ITFG1: variants seen among roughly 807,000 people sequenced by gnomAD.
The protein encoded by ITFG1 is integrin alpha FG-GAP repeat containing 1.
A neutral mutation model predicts 81.8 loss-of-function variants in ITFG1; 34 were observed. The observed-to-expected ratio is 0.42, with a 90% CI of 0.32 to 0.55. The LOEUF (loss-of-function observed/expected upper bound fraction) is 0.55, where lower values mean the gene tolerates loss of function less well. ITFG1 is among the 20% of genes least tolerant of loss of function. The probability of loss-of-function intolerance (pLI) is 0.17; values close to 1 mark genes in which losing one functional copy is unlikely to be tolerated. For missense variants in ITFG1, 672 were observed against 755.4 expected, an observed-to-expected ratio of 0.89 and a Z score of 1.29; for synonymous variants, 285 against 270.6, an observed-to-expected ratio of 1.05 and a Z score of -0.52.
Position 47,234,143 on chromosome 16 carries a change from G to A in ITFG1, c.1374+3822C>T, listed in dbSNP as rs1016248871. Among the ~76,000 whole-genome samples, 7 of 152,234 alleles carry A rather than the reference G, an allele frequency of 4.6e-5. No individual in the cohort carries two copies. In the East Asian group the frequency reaches 5.8e-4, roughly 13 times the overall value. ...AAAGACAAAACAAAACAAAATGTCCGAAGAGACAAAGGAAGTATCAAAACA... is the reference window on the plus strand; with the variant it reads ...AAAGACAAAACAAAACAAAATGTCCAAAGAGACAAAGGAAGTATCAAAACA... On this transcript the variant is annotated intron_variant, in intron 13 of 17. Coordinates refer to ENST00000320640, the MANE Select transcript of ITFG1 (RefSeq NM_030790.5).
chr16:47,428,072 TGCAGTGA>T (rs1969046115), intron 6 of ITFG1, among the ~76,000 whole-genome samples: 1 of 152,314 alleles, frequency 6.6e-6, no homozygotes, highest in African/African-American at 2.4e-5. Context: ...AGGCAGAGGT[TGCAGTGA>T]GCTGTGATCG....
chr16:47,209,375 A>T (rs537134670), intron 14 of ITFG1, among the ~76,000 whole-genome samples: 10 of 152,294 alleles, frequency 6.6e-5, no homozygotes, highest in Non-Finnish European at 1.0e-4. Context: ...AGCATAACAT[A>T]CTGTTACTCT....
chr16:47,391,294 C>T (rs78549079), intron 6 of ITFG1, among the ~76,000 whole-genome samples: 2 of 152,264 alleles, frequency 1.3e-5, no homozygotes, highest in East Asian at 3.9e-4. Context: ...TTTTATAATC[C>T]TACAGTTGAA....
intron 6 of ITFG1, among the ~76,000 whole-genome samples, chr16:47,392,167 G>A (rs902667165): frequency 2.0e-5 from 3 of 152,178 alleles, no homozygotes; most frequent in Middle Eastern, 3.4e-3. Context: ...TAATCCCAGC[G>A]CTTTGGGAAG....
At chr16:47,265,884 A>T (rs757194445) in intron 10 of ITFG1, among the ~76,000 whole-genome samples, 12 of 152,220 alleles carry the variant, frequency 7.9e-5, no homozygotes, top group Non-Finnish European at 1.8e-4. Context: ...GGTAAGATGT[A>T]AAAGCAGTGA....
Position 47,344,461 on chromosome 16 carries a change from C to T in ITFG1, c.802+21327G>A, listed in dbSNP as rs144192188. 2.0e-5 allele frequency among the ~76,000 whole-genome samples: 3 copies of T among 152,228 alleles called. No individual in the cohort carries two copies. The East Asian group carries it at 5.8e-4, about 29-fold the overall frequency. On this transcript the variant is annotated intron_variant, in intron 8 of 17. Transcript: ENST00000320640. ...TTATTAAAACTCACTGAACTCTACA[C>T]TTAAAATGGAAGACTTTTATGATAT...
At chr16:47,303,992 G>A (rs547529840) in intron 10 of ITFG1, among the ~76,000 whole-genome samples, 6 of 151,910 alleles carry the variant, frequency 3.9e-5, no homozygotes, top group South Asian at 2.1e-4. Context: ...TAGTCTGATC[G>A]GACTAAGTCA....
intron 10 of ITFG1, among the ~76,000 whole-genome samples, chr16:47,306,757 C>T (rs1967165683): frequency 6.6e-6 from 1 of 151,678 alleles, no homozygotes; most frequent in African/African-American, 2.4e-5. Context: ...ATTCTTTGAA[C>T]CTCTACAATA....
At chr16:47,251,958 C>T (rs144436473) in intron 12 of ITFG1, among the ~76,000 whole-genome samples, 138 of 152,250 alleles carry the variant, frequency 9.1e-4, no homozygotes, top group African/African-American at 3.1e-3. Context: ...GTGGGGACTA[C>T]GCTATATGCA....
intron 8 of ITFG1, among the ~76,000 whole-genome samples, chr16:47,342,380 T>A (rs959651127): frequency 6.6e-6 from 1 of 152,096 alleles, no homozygotes; most frequent in African/African-American, 2.4e-5. Flanking sequence ...CATGAATTTA[T>A]AAAGAACCCA....
intron 14 of ITFG1, among the ~76,000 whole-genome samples, chr16:47,198,377 T>C (rs1326974958): frequency 1.3e-5 from 2 of 152,184 alleles, no homozygotes; most frequent in African/African-American, 2.4e-5. Flanking sequence ...CATGATGTCA[T>C]AGTGTAAGGC....
At chr16:47,459,196 A>C in intron 1 of ITFG1, 21 bp from the exon 2 acceptor site, 1 of 1,463,960 alleles carries the variant, frequency 6.8e-7, no homozygotes, top group South Asian at 1.1e-5. Flanking sequence ...CAAATATATG[A>C]TATTAGAAAA....
intron 10 of ITFG1, chr16:47,262,914 C>A: frequency 6.2e-6 from 1 of 160,758 alleles, no homozygotes; most frequent in South Asian, 1.8e-4. Context: ...GGCATGGAGT[C>A]ATAGTTGCAG....
At chr16:47,365,750 G>A (rs771072338) in intron 8 of ITFG1, 38 bp downstream of exon 8, 4 of 1,181,310 alleles carry the variant, frequency 3.4e-6, no homozygotes, top group South Asian at 2.6e-5. Flanking sequence ...GAATTGGAAA[G>A]GCAAAAGCCT....
chr16:47,460,840 TC>T lies in ITFG1; in HGVS notation c.205del (p.Glu69LysfsTer5). 6.2e-7 allele frequency: 1 copy of T among 1,613,244 alleles called. No homozygotes were observed. Among genetic ancestry groups the T allele is most frequent in the East Asian group, 2.2e-5 (1 of 44,848 alleles). The stretch of plus-strand genomic sequence containing the variant: ...GGGAGGGCCCGGCAAGCACTGACTT[TC>T]CCGCAGCACGAAGAGATCCGTCTGC... Reference protein sequence around the residue: ...DKQTDLFVLRERNDLIVFLAD... With the variant: ...DKQTDLFVLRXRNDLIVFLAD... On this transcript the variant is annotated frameshift_variant, in exon 1 of 18. Coordinates refer to ENST00000320640, the MANE Select transcript of ITFG1 (RefSeq NM_030790.5). LOFTEE classifies it high-confidence loss of function.
chr16:47,461,197 T>A (rs1969540684), upstream of ITFG1: 1 of 973,720 alleles, frequency 1.0e-6, no homozygotes, highest in Admixed American at 2.8e-5. Context: ...GGGCTGCCCT[T>A]CCGACGCTAA....
At chr16:47,171,263 C>A (rs925955145) in intron 14 of ITFG1, among the ~76,000 whole-genome samples, 4 of 152,232 alleles carry the variant, frequency 2.6e-5, no homozygotes, top group South Asian at 2.1e-4. Context: ...ATGCTTTGGC[C>A]TCTCAAAGTG....
intron 5 of ITFG1, among the ~76,000 whole-genome samples, chr16:47,444,688 A>T: frequency 6.6e-6 from 1 of 152,322 alleles, no homozygotes; most frequent in Non-Finnish European, 1.5e-5. Context: ...TACATTATAG[A>T]AAAAGATACC....
intron 14 of ITFG1, among the ~76,000 whole-genome samples, chr16:47,166,278 A>G (rs1462914520): frequency 6.6e-6 from 1 of 152,266 alleles, no homozygotes; most frequent in African/African-American, 2.4e-5. Context: ...TTTCCTGTTT[A>G]TACTATTAAA....
Sources: allele counts gnomAD v4.1 joint callset (sites outside exome capture counted in the v4.1 genomes callset), GRCh38; gene constraint gnomAD v4.1.1; transcripts MANE v1.5; gene names NCBI Gene and HGNC (gene_info 2026-07-23, HGNC 2026-07-21).